Variants in DTNB observed in about 807,000 individuals in gnomAD.
DTNB encodes DTN-B.
A neutral mutation model predicts 90.7 loss-of-function variants in DTNB; 63 were observed. The observed-to-expected ratio is 0.69, with a 90% CI of 0.57 to 0.86. The LOEUF (loss-of-function observed/expected upper bound fraction) is 0.86, where lower values mean the gene tolerates loss of function less well. DTNB is among the 40% of genes least tolerant of loss of function. The pLI is 0.00. For missense variants in DTNB, 744 were observed against 807.1 expected, an observed-to-expected ratio of 0.92 and a Z score of 0.95; for synonymous variants, 277 against 286.7, an observed-to-expected ratio of 0.97 and a Z score of 0.34.
chr2:25,580,691 G>A (rs760607258), intron 7 of DTNB, 30 bp downstream of exon 7: 1 of 1,566,252 alleles, frequency 6.4e-7, no homozygotes, highest in Non-Finnish European at 8.8e-7. Flanking sequence ...TCTATAGCAT[G>A]CGGAATTGAA....
intron 8 of DTNB, among the ~76,000 whole-genome samples, chr2:25,549,145 ATC>A (rs2083066462): frequency 6.6e-6 from 1 of 151,892 alleles, no homozygotes; most frequent in South Asian, 2.1e-4. Context: ...GTTTTCTTAA[ATC>A]TGAGTTTTTA....
intron 4 of DTNB, among the ~76,000 whole-genome samples, chr2:25,625,033 T>C (rs1573601252): frequency 1.3e-5 from 2 of 152,234 alleles, no homozygotes; most frequent in East Asian, 3.8e-4. Context: ...AAGTCTTAGA[T>C]CCTATTTGTT....
chr2:25,517,075 A>G (rs1212085916), intron 9 of DTNB, among the ~76,000 whole-genome samples: 1 of 152,254 alleles, frequency 6.6e-6, no homozygotes, highest in Admixed American at 6.5e-5. Flanking sequence ...TGGTGAATGG[A>G]TAACAAAATG....
chr2:25,573,750 A>T (rs1393579993), intron 8 of DTNB, among the ~76,000 whole-genome samples: 1 of 152,106 alleles, frequency 6.6e-6, no homozygotes, highest in East Asian at 1.9e-4. Flanking sequence ...TCCCTCTCCA[A>T]TGTCAGTTTC....
chr2:25,611,174 C>T (rs1179263921), intron 4 of DTNB, among the ~76,000 whole-genome samples: 2 of 152,196 alleles, frequency 1.3e-5, no homozygotes, highest in African/African-American at 4.8e-5. Context: ...GTTCATCCTG[C>T]TATGCAGCAT....
At chr2:25,570,406 C>CAAAAAAAAAAAAAAAAAAAA (rs146251976) in intron 8 of DTNB, among the ~76,000 whole-genome samples, 4 of 89,912 alleles carry the variant, frequency 4.4e-5, no homozygotes, top group African/African-American at 1.5e-4. Flanking sequence ...TTTCCTGTCT[C>CAAAAAAAAAAAAAAAAAAAA]AAAAAAAAAA....
chr2:25,440,698 T>C (rs907072515), intron 12 of DTNB, among the ~76,000 whole-genome samples: 7 of 152,188 alleles, frequency 4.6e-5, no homozygotes, highest in African/African-American at 1.2e-4. Flanking sequence ...ATTTTTAACA[T>C]AGGCAAAAGG....
intron 16 of DTNB, among the ~76,000 whole-genome samples, chr2:25,417,694 C>T (rs905778845): frequency 3.9e-5 from 6 of 152,064 alleles, no homozygotes; most frequent in Non-Finnish European, 5.9e-5. Context: ...GTATGGAGGG[C>T]TGAAGAGAAG....
rs192566741 is a variant in DTNB, at chr2:25,437,825, C to G, written c.1258-3830G>C. 3.3e-5 allele frequency among the ~76,000 whole-genome samples: 5 copies of G among 152,350 alleles called. No individual in the cohort carries two copies. The East Asian group carries it at 9.6e-4, about 29-fold the overall frequency. On this transcript the variant is annotated intron_variant, in intron 12 of 20. Coordinates refer to ENST00000406818, the MANE Select transcript of DTNB (RefSeq NM_021907.5). ...CTGAGCTCCTACTATGTGCCAGGCA[C>G]TGCTCTACCAGTTAGGGATGTTCTG...
At chr2:25,558,076 C>T (rs536724688) in intron 8 of DTNB, 84 of 427,034 alleles carry the variant, frequency 2.0e-4, no homozygotes, top group South Asian at 5.9e-4. Context: ...AAGAGAATGC[C>T]GGGGAGCACA....
chr2:25,641,328 T>C (rs1034179876), intron 2 of DTNB, among the ~76,000 whole-genome samples: 6 of 152,220 alleles, frequency 3.9e-5, no homozygotes, highest in African/African-American at 1.2e-4. Context: ...TAAAATCATA[T>C]TGTGCCAACA....
chr2:25,529,902 A>G (rs768984062), intron 9 of DTNB, among the ~76,000 whole-genome samples: 2 of 152,242 alleles, frequency 1.3e-5, no homozygotes, highest in Non-Finnish European at 2.9e-5. Context: ...CAACATAAAA[A>G]TAAGGGCACA....
At chr2:25,490,787 T>TGAGTGTTA (rs2067227746) in intron 9 of DTNB, among the ~76,000 whole-genome samples, 1 of 152,188 alleles carries the variant, frequency 6.6e-6, no homozygotes, top group Non-Finnish European at 1.5e-5. Flanking sequence ...ACTGAGTGTT[T>TGAGTGTTA]GATATCTATC....
chr2:25,634,596 C>T lies in DTNB; in HGVS notation c.148+4418G>A, dbSNP rs1418067746. Among the ~76,000 whole-genome samples the T allele has an allele frequency of 8.1e-5, 10 of 122,782 alleles. 1 individual carries two copies. The highest frequency in any genetic ancestry group is 7.8e-4 in the East Asian group (2 of 2,550). The allele number at this position is 122,782 out of a possible 152,430, so 80.5% of individuals were successfully genotyped here. A position where few individuals can be genotyped will look rare whatever the true frequency, so the allele number is the denominator to read the frequency against. ...TGAGAACGGGCCAGGATGACAATGG[C>T]GGTTTTGTGGAATAGAAAGGGGGGA... On this transcript the variant is annotated intron_variant, in intron 3 of 20. Transcript: ENST00000406818.
chr2:25,607,460 A>ATTT, intron 4 of DTNB, 139 bp from the exon 5 acceptor site: 1 of 628,318 alleles, frequency 1.6e-6, no homozygotes, highest in Non-Finnish European at 2.4e-6. Context: ...GAAACCCTGG[A>ATTT]TTTTTTTTTT....
chr2:25,556,891 C>T (rs955237014), intron 8 of DTNB, among the ~76,000 whole-genome samples: 3 of 152,188 alleles, frequency 2.0e-5, no homozygotes, highest in Admixed American at 6.5e-5. Context: ...TTAACACTGT[C>T]ATAGTGCTGC....
chr2:25,637,969 T>C (rs981476540), intron 3 of DTNB, among the ~76,000 whole-genome samples: 3 of 152,182 alleles, frequency 2.0e-5, no homozygotes, highest in Non-Finnish European at 4.4e-5. Context: ...CAAATGCCCA[T>C]CAATGATAGA....
intron 1 of DTNB, among the ~76,000 whole-genome samples, chr2:25,659,626 T>G (rs34429910): frequency 0.29 from 44,812 of 152,012 alleles, 7,577 homozygotes; most frequent in Non-Finnish European, 0.4. Flanking sequence ...TGAACAATTC[T>G]AATCTATACA....
intron 16 of DTNB, among the ~76,000 whole-genome samples, chr2:25,414,326 G>A (rs952379511): frequency 3.9e-5 from 6 of 152,038 alleles, no homozygotes; most frequent in East Asian, 1.9e-4. Flanking sequence ...GTGCGATCTC[G>A]GCTCACTGTG....
Sources: allele counts gnomAD v4.1 joint callset (sites outside exome capture counted in the v4.1 genomes callset), GRCh38; gene constraint gnomAD v4.1.1; transcripts MANE v1.5; gene names NCBI Gene and HGNC (gene_info 2026-07-23, HGNC 2026-07-21).